The following UBR3 variants were observed in gnomAD, a reference collection of about 807,000 sequenced individuals.
UBR3 encodes ubiquitin protein ligase E3 component n-recognin 3.
A neutral mutation model predicts 243.2 loss-of-function variants in UBR3; 85 were observed. That is an observed-to-expected ratio of 0.35 (90% CI 0.29 to 0.42). The LOEUF (loss-of-function observed/expected upper bound fraction) is 0.42, where lower values mean the gene tolerates loss of function less well. UBR3 is among the 10% of genes least tolerant of loss of function. The probability of loss-of-function intolerance (pLI) is 1.00; values close to 1 mark genes in which losing one functional copy is unlikely to be tolerated. For synonymous variants in UBR3, 748 were observed against 799.8 expected, an observed-to-expected ratio of 0.94 and a Z score of 1.09; for missense variants, 1,686 against 2,300.8, an observed-to-expected ratio of 0.73 and a Z score of 5.47.
intron 27 of UBR3, among the ~76,000 whole-genome samples, chr2:170,004,255 A>G (rs12987772): frequency 0.43 from 65,602 of 152,104 alleles, 15,533 homozygotes; most frequent in Non-Finnish European, 0.54. Context: ...TAGAAGGACA[A>G]TCTTCTGGAG....
chr2:170,055,500 G>T lies in UBR3; in HGVS notation c.4701G>T (p.Leu1567=), dbSNP rs989141689. Residue 1567 remains leucine, a synonymous_variant, in exon 33 of 39, where the codon CTG becomes CTT. Transcript: ENST00000272793. ...TCIVKVLFTL[L]YTQALAALSV... ...TTGTGAAGGTACTTTTTACCCTACT[G>T]TACACACAGGCTCTTGCAGCACTCT... 2 of 1,613,584 alleles carry T rather than the reference G, an allele frequency of 1.2e-6. No homozygotes were observed. The highest frequency in any genetic ancestry group is 3.3e-5 in the Admixed American group (2 of 59,988).
chr2:169,907,308 C>T (rs1438259493), intron 10 of UBR3, among the ~76,000 whole-genome samples: 2 of 152,034 alleles, frequency 1.3e-5, no homozygotes, highest in African/African-American at 4.8e-5. Context: ...CATGAATTTT[C>T]TCAGGTTCTG....
intron 25 of UBR3, among the ~76,000 whole-genome samples, chr2:169,989,602 T>C (rs1001233283): frequency 6.6e-6 from 1 of 152,220 alleles, no homozygotes; most frequent in African/African-American, 2.4e-5. Flanking sequence ...CATATACTTC[T>C]ATAAAAGAAA....
At chr2:169,871,359 G>A (rs950662119) in intron 1 of UBR3, among the ~76,000 whole-genome samples, 1 of 151,212 alleles carries the variant, frequency 6.6e-6, no homozygotes, top group African/African-American at 2.4e-5. Flanking sequence ...AGGATTGCTT[G>A]AGCCCAGGAC....
At chr2:169,923,441 C>T (rs2085782915) in intron 11 of UBR3, among the ~76,000 whole-genome samples, 1 of 152,142 alleles carries the variant, frequency 6.6e-6, no homozygotes, top group African/African-American at 2.4e-5. Context: ...GCTCCTACCC[C>T]ATAGCATTCT....
In UBR3 at chr2:170,071,788, G is replaced by A. The variant is rs914285713; in HGVS notation, c.5020-1640G>A. On this transcript the variant is annotated intron_variant, in intron 35 of 38. Coordinates refer to ENST00000272793, the MANE Select transcript of UBR3 (RefSeq NM_172070.4). ...ATTTTGTACTTAATGTGCATAATTAGTTTTGCAGACATTTGTTGAACGTCT... is the reference window on the plus strand; with the variant it reads ...ATTTTGTACTTAATGTGCATAATTAATTTTGCAGACATTTGTTGAACGTCT... 2.6e-4 allele frequency among the ~76,000 whole-genome samples: 39 copies of A among 152,100 alleles called. 1 individual carries two copies. The highest frequency in any genetic ancestry group is 8.8e-5 in the Non-Finnish European group (6 of 68,004).
intron 1 of UBR3, among the ~76,000 whole-genome samples, chr2:169,836,310 C>T (rs1046171867): frequency 6.6e-6 from 1 of 151,326 alleles, no homozygotes; most frequent in Admixed American, 6.6e-5. Context: ...GTCTCGAACT[C>T]CTGACCTCCG....
intron 10 of UBR3, among the ~76,000 whole-genome samples, chr2:169,911,813 T>G (rs2085264052): frequency 6.6e-6 from 1 of 152,152 alleles, no homozygotes; most frequent in South Asian, 2.1e-4. Context: ...TTTAGTTTGG[T>G]TGTGACAGAT....
At chr2:169,890,583 A>ATATATATATG (rs2084332913) in intron 5 of UBR3, among the ~76,000 whole-genome samples, 2 of 94,146 alleles carry the variant, frequency 2.1e-5, no homozygotes, top group Non-Finnish European at 4.2e-5. Flanking sequence ...ATATATATGT[A>ATATATATATG]TATATATATG....
At chr2:169,965,070 C>G (rs910506337) in intron 24 of UBR3, 3 of 413,826 alleles carry the variant, frequency 7.2e-6, no homozygotes, top group African/African-American at 6.1e-5. Context: ...TTATTTATAA[C>G]AGTCTCTTTC....
intron 27 of UBR3, among the ~76,000 whole-genome samples, chr2:170,001,912 C>CAAGAAAAAAAAA (rs2089716061): frequency 1.5e-5 from 1 of 67,510 alleles, no homozygotes; most frequent in Non-Finnish European, 2.5e-5. Context: ...GACTCCATCT[C>CAAGAAAAAAAAA]AAAAAAAAAA....
At chr2:169,955,055 T>G (rs2087214565) in intron 23 of UBR3, among the ~76,000 whole-genome samples, 1 of 152,230 alleles carries the variant, frequency 6.6e-6, no homozygotes, top group Non-Finnish European at 1.5e-5. Flanking sequence ...GTTTTCCCTT[T>G]ATGTTTTGAC....
At chr2:169,961,147 C>T (rs1408207026) in intron 24 of UBR3, among the ~76,000 whole-genome samples, 1 of 152,002 alleles carries the variant, frequency 6.6e-6, no homozygotes, top group African/African-American at 2.4e-5. Flanking sequence ...TCTACTCAAT[C>T]ATACAGTAGT....
rs575982317 is a variant in UBR3, at chr2:170,033,283, T to C, written c.4556+3835T>C. On this transcript the variant is annotated intron_variant, in intron 31 of 38. Transcript: ENST00000272793. ...TAGTAGTAAATGCTGTGAACACTTATATAGTACTTCATGCTAGGCATTTTG... is the reference window on the plus strand; with the variant it reads ...TAGTAGTAAATGCTGTGAACACTTACATAGTACTTCATGCTAGGCATTTTG... Among the ~76,000 whole-genome samples the C allele has an allele frequency of 1.7e-3, 256 of 152,198 alleles. 1 individual carries two copies. The highest frequency in any genetic ancestry group is 5.8e-3 in the Admixed American group (89 of 15,256).
intron 30 of UBR3, among the ~76,000 whole-genome samples, chr2:170,028,934 C>G (rs1313714225): frequency 6.6e-6 from 1 of 151,918 alleles, no homozygotes; most frequent in African/African-American, 2.4e-5. Context: ...AAAGAAAGAA[C>G]TTCACCTAAC....
Position 169,832,482 on chromosome 2 carries a change from GGAGCTTGGAGT to G in UBR3, c.545+4456_545+4466del, listed in dbSNP as rs549758351. ...GGAGAATGGCGTGAACCCGGGAGGCGGAGCTTGGAGTGAGCTTGGAGTGAGCTTGGAGTGAG... is the reference window on the plus strand; with the variant it reads ...GGAGAATGGCGTGAACCCGGGAGGCGGAGCTTGGAGTGAGCTTGGAGTGAG... On this transcript the variant is annotated intron_variant, in intron 1 of 38. Coordinates refer to ENST00000272793, the MANE Select transcript of UBR3 (RefSeq NM_172070.4). Among the ~76,000 whole-genome samples, 933 of 151,992 alleles carry G rather than the reference GGAGCTTGGAGT, an allele frequency of 6.1e-3. 3 individuals carry two copies. Among genetic ancestry groups the G allele is most frequent in the Non-Finnish European group, 9.0e-3 (610 of 67,948 alleles).
chr2:169,955,114 C>G (rs899732533), intron 23 of UBR3, among the ~76,000 whole-genome samples: 4 of 152,082 alleles, frequency 2.6e-5, no homozygotes, highest in Non-Finnish European at 4.4e-5. Context: ...TTGCTGTTTT[C>G]TTTTCATTGT....
rs118134686 is a variant in UBR3 at position 169,937,613 on chromosome 2, T to C, written c.2663+4605T>C. ...TGTGTCCGGAATGGTATTGCCCAGG[T>C]TTTCCTCTAGGGTTTTTATGGTTTT... is the stretch of plus-strand genomic sequence containing the variant. On this transcript the variant is annotated intron_variant, in intron 19 of 38. Coordinates refer to ENST00000272793, the MANE Select transcript of UBR3 (RefSeq NM_172070.4). Among the ~76,000 whole-genome samples, 170 of 152,306 alleles carry C rather than the reference T, an allele frequency of 1.1e-3. 3 individuals carry two copies. The East Asian group carries it at 0.021, about 19-fold the overall frequency.
At chr2:169,956,304 A>ATATG (rs1212310154) in intron 23 of UBR3, among the ~76,000 whole-genome samples, 3 of 149,698 alleles carry the variant, frequency 2.0e-5, no homozygotes, top group South Asian at 2.1e-4. Flanking sequence ...AAAATGTTAT[A>ATATG]TATATATATA....
Sources: allele counts gnomAD v4.1 joint callset (sites outside exome capture counted in the v4.1 genomes callset), GRCh38; gene constraint gnomAD v4.1.1; transcripts MANE v1.5; gene names NCBI Gene and HGNC (gene_info 2026-07-23, HGNC 2026-07-21).